ACSM3: variants seen among roughly 807,000 people sequenced by gnomAD.
The protein encoded by ACSM3 is acyl-CoA synthetase medium chain family member 3, also known as acyl-coenzyme A synthetase ACSM3, mitochondrial.
ACSM3 carries 61 observed loss-of-function variants against 74.1 expected under a neutral mutation model. The observed-to-expected ratio is 0.82, with a 90% confidence interval of 0.67 to 1.02. ACSM3 has a LOEUF of 1.02. Ranked by LOEUF, ACSM3 falls within the 50% of genes least tolerant of loss-of-function variation. The pLI is 0.00. For missense variants in ACSM3, 660 were observed against 697.0 expected (o/e 0.95, Z 0.60); for synonymous variants, 213 against 241.5 (o/e 0.88, Z 1.09).
At position 20,749,294 on chromosome 16, in the gene ACSM3, C is replaced by A. The variant is rs1387770427; in HGVS notation, c.-189-616C>A. On this transcript the variant is annotated intron_variant, in intron 1 of 3. Transcript: ENST00000561584. ...AAGATAAGAATGAAGAGACACTAAA[C>A]CTCTGATTTTTGCATTCTAAAGAGA... 3.3e-5 allele frequency: 5 copies of A among 152,082 alleles called. 1 individual carries two copies. Among genetic ancestry groups the A allele is most frequent in the Admixed American group, 1.3e-4 (2 of 15,266 alleles). The allele number at this position is 152,082 out of a possible 1,614,324, so 9.4% of individuals were successfully genotyped here.
At chr16:20,741,793 C>G in intron 1 of ACSM3, 1 of 1,547,322 alleles carries the variant, frequency 6.5e-7, no homozygotes, top group South Asian at 1.2e-5. Flanking sequence ...TGTTGGCGTC[C>G]TCGTCTATCG....
At chr16:20,709,918 G>A (rs2079739058) in intron 1 of ACSM3, among the ~76,000 whole-genome samples, 1 of 152,130 alleles carries the variant, frequency 6.6e-6, no homozygotes, top group Non-Finnish European at 1.5e-5. Context: ...CCTTGAATAA[G>A]TTATCATGCA....
chr16:20,748,724 C>T (rs2079969077), intron 1 of ACSM3, among the ~76,000 whole-genome samples: 1 of 152,074 alleles, frequency 6.6e-6, no homozygotes. Context: ...TCTCAGTACC[C>T]CAGAGATAAC....
At chr16:20,783,934 C>G (rs2080411368) in intron 7 of ACSM3, among the ~76,000 whole-genome samples, 1 of 152,086 alleles carries the variant, frequency 6.6e-6, no homozygotes, top group African/African-American at 2.4e-5. Flanking sequence ...GCCTCCTGAG[C>G]ATGTAGGATT....
chr16:20,770,752 T>C (rs760885734), intron 2 of ACSM3, among the ~76,000 whole-genome samples: 23 of 152,198 alleles, frequency 1.5e-4, no homozygotes, highest in Non-Finnish European at 2.8e-4. Context: ...TTTCCTGTTA[T>C]GTTTAGTTAT....
chr16:20,754,461 C>A (rs768124410), intron 2 of ACSM3, among the ~76,000 whole-genome samples: 4 of 152,180 alleles, frequency 2.6e-5, no homozygotes, highest in Non-Finnish European at 5.9e-5. Flanking sequence ...AGGCAGCCAA[C>A]TGGGCTTTAG....
Position 20,707,360 on chromosome 16 carries a change from G to A in ACSM3, c.-190+32538G>A, listed in dbSNP as rs117453256. ...GAAGCAGCCCTGCAACTTGGTTTCC[G>A]CCCCTCTCAGCTGCAGACTGGAGCA... is the stretch of plus-strand genomic sequence containing the variant. On this transcript the variant is annotated intron_variant, in intron 1 of 3. Transcript: ENST00000561584. Among the ~76,000 whole-genome samples the A allele has an allele frequency of 2.5e-3, 383 of 152,164 alleles. 5 individuals carry two copies. The East Asian group carries it at 0.04, about 16-fold the overall frequency.
intron 1 of ACSM3, chr16:20,738,030 C>G: frequency 7.5e-7 from 1 of 1,341,772 alleles, no homozygotes; most frequent in Non-Finnish European, 1.0e-6. Flanking sequence ...TGAATTTTCA[C>G]TGGCAATGAC....
chr16:20,753,051 G>T (rs1227593351), intron 2 of ACSM3, among the ~76,000 whole-genome samples: 1 of 151,464 alleles, frequency 6.6e-6, no homozygotes, highest in Admixed American at 6.6e-5. Flanking sequence ...CAAAGAAAAA[G>T]AAGAGAGAGA....
intron 1 of ACSM3, chr16:20,711,541 A>C: frequency 1.4e-6 from 2 of 1,425,728 alleles, no homozygotes; most frequent in Non-Finnish European, 1.9e-6. Context: ...GCAAGCATCC[A>C]AGGCCAAGTG....
intron 1 of ACSM3, among the ~76,000 whole-genome samples, chr16:20,724,501 T>A (rs2079797680): frequency 6.6e-6 from 1 of 152,194 alleles, no homozygotes; most frequent in Non-Finnish European, 1.5e-5. Context: ...ACCACTCCTA[T>A]TCAACATAGC....
chr16:20,771,524 A>G (rs1416053139), intron 2 of ACSM3, among the ~76,000 whole-genome samples: 1 of 151,932 alleles, frequency 6.6e-6, no homozygotes, highest in Admixed American at 6.5e-5. Flanking sequence ...ACTTAACATA[A>G]TGTCCTCCAA....
chr16:20,694,829 C>T, intron 1 of ACSM3, among the ~76,000 whole-genome samples: 1 of 152,082 alleles, frequency 6.6e-6, no homozygotes, highest in Non-Finnish European at 1.5e-5. Context: ...AGGGTGGGCC[C>T]TAATCCAATA....
intron 4 of ACSM3, among the ~76,000 whole-genome samples, chr16:20,778,662 A>G (rs1596518969): frequency 6.6e-6 from 1 of 152,174 alleles, no homozygotes; most frequent in South Asian, 2.1e-4. Context: ...TTCTGTATGT[A>G]CTGCCTCTAG....
chr16:20,685,266 C>T, intron 1 of ACSM3: 1 of 1,614,220 alleles, frequency 6.2e-7, no homozygotes, highest in Non-Finnish European at 8.5e-7. Context: ...GATGGTCTCC[C>T]TGTTGTAGGC....
At position 20,738,863 on chromosome 16, in the gene ACSM3, T is replaced by C. The variant is rs368851677; in HGVS notation, c.-189-11047T>C. 6.9e-6 allele frequency: 11 copies of C among 1,597,786 alleles called. No homozygotes were observed. The African/African-American group carries it at 9.4e-5, about 14-fold the overall frequency. On this transcript the variant is annotated intron_variant, in intron 1 of 3. Transcript: ENST00000561584. ...GAGACAGGAAGATACCCAGATGTTA[T>C]GAGATCGATAATCTTAGCAAGTATT...
chr16:20,721,990 T>G (rs946220136), intron 1 of ACSM3: 7 of 152,176 alleles, frequency 4.6e-5, no homozygotes, highest in African/African-American at 1.7e-4. Flanking sequence ...AATTCTATAA[T>G]AGATCAGGTA....
chr16:20,737,377 A>G (rs994670122), intron 1 of ACSM3: 42 of 1,303,150 alleles, frequency 3.2e-5, no homozygotes, highest in Non-Finnish European at 4.0e-5. Flanking sequence ...TCTTGTTAAA[A>G]CAAGACATAC....
intron 1 of ACSM3, among the ~76,000 whole-genome samples, chr16:20,733,161 T>C (rs2079841377): frequency 6.6e-6 from 1 of 152,154 alleles, no homozygotes; most frequent in African/African-American, 2.4e-5. Flanking sequence ...AATATATGGA[T>C]GAAAATTGTT....
Sources: gnomAD v4.1 joint callset for allele counts (sites outside exome capture counted in the v4.1 genomes callset) on GRCh38, gnomAD v4.1.1 for gene constraint, MANE v1.5 for transcripts, NCBI Gene and HGNC (gene_info 2026-07-23, HGNC 2026-07-21) for gene names.